Variants in STKLD1 observed in about 807,000 individuals in gnomAD.
STKLD1 encodes serine/threonine kinase like domain containing 1, also known as serine/threonine kinase-like domain-containing protein STKLD1.
In STKLD1, 79 loss-of-function variants were observed where a neutral mutation model predicts 80.4. The observed-to-expected ratio is 0.98, with a 90% CI of 0.82 to 1.19. STKLD1 has a LOEUF of 1.19. Among genes scored for constraint, STKLD1 ranks in the 50% most tolerant of loss-of-function variants. STKLD1 has a pLI of 0.00. For synonymous variants in STKLD1, 393 were observed against 357.6 expected (o/e 1.10, Z -1.12); for missense variants, 841 against 856.0 (o/e 0.98, Z 0.22).
chr9:133,385,741 A>C lies in STKLD1; in HGVS notation c.294+50A>C. 3.2e-6 allele frequency: 5 copies of C among 1,554,552 alleles called. No individual in the cohort carries two copies. The highest frequency in any genetic ancestry group is 4.4e-6 in the Non-Finnish European group (5 of 1,128,938). ...GCTCAGCCGCCACGCAGTGGGCTGCAGGACCAAGCAGACTGAGCCCAGAGC... is the reference window on the plus strand; with the variant it reads ...GCTCAGCCGCCACGCAGTGGGCTGCCGGACCAAGCAGACTGAGCCCAGAGC... On this transcript the variant is annotated intron_variant, in intron 4 of 17. Coordinates refer to ENST00000371957, the MANE Select transcript of STKLD1 (RefSeq NM_153710.5). This position sits in a 1 kb window ranked among gnomAD's most constrained non-coding sequence, Gnocchi z 4.9.
At position 133,404,863 on chromosome 9, in the gene STKLD1, C is replaced by T. The variant is rs1185875257; in HGVS notation, c.1807C>T (p.Leu603Phe). 2 of 1,613,232 alleles carry T rather than the reference C, an allele frequency of 1.2e-6. No individual in the cohort carries two copies. Among genetic ancestry groups the T allele is most frequent in the Non-Finnish European group, 1.7e-6 (2 of 1,179,736 alleles). The change falls in exon 17 of 18, where the codon CTC becomes TTC. Residue 603 changes from leucine to phenylalanine, a missense_variant. Coordinates refer to ENST00000371957, the MANE Select transcript of STKLD1 (RefSeq NM_153710.5). ...GLSLIKETYQ[L>F]HRDDPEVVEN... ...CAGCCTCATCAAGGAGACCTACCAG[C>T]TCCACAGGGACGACCCGGAGGTGGT...
At position 133,405,382 on chromosome 9, in the gene STKLD1, C is replaced by T; in HGVS notation, c.2004C>T (p.Ser668=). Residue 668 remains serine, a synonymous_variant, in exon 18 of 18, where the codon AGC becomes AGT. Coordinates refer to ENST00000371957, the MANE Select transcript of STKLD1 (RefSeq NM_153710.5). ...AACCAGGCCTCCCTCCAGGTGGAAG[C>T]CCCCAGCTGGGGTGCACCACGTCTG... ...FSKPGLPPGG[S]PQLGCTTSGG... 1 of 1,611,656 alleles carries T rather than the reference C, an allele frequency of 6.2e-7. No individual in the cohort carries two copies. Among genetic ancestry groups the T allele is most frequent in the Non-Finnish European group, 8.5e-7 (1 of 1,179,828 alleles).
rs2130287535 is a variant in STKLD1 at position 133,390,816 on chromosome 9, G to A, written c.583+20G>A. ...AGGAAGGTGGCAGGGGCTCCCCCAG[G>A]TTGTGGGAGAGGGGGTTGGCGCCTA... On this transcript the variant is annotated intron_variant, in intron 7 of 17. Coordinates refer to ENST00000371957, the MANE Select transcript of STKLD1 (RefSeq NM_153710.5). The surrounding 1 kb of genome is among the most constrained non-coding windows in gnomAD (Gnocchi z 5.1). The A allele has an allele frequency of 9.9e-5, 158 of 1,594,166 alleles. No individual in the cohort carries two copies. The highest frequency in any genetic ancestry group is 1.3e-4 in the Non-Finnish European group (148 of 1,164,344).
At position 133,403,584 on chromosome 9, in the gene STKLD1, C is replaced by T. The variant is rs190851880; in HGVS notation, c.1475-116C>T. ...GTCTCTGAGGACAGTTGACCTTTCCCACCCCATTTCTGCTGTTGTCGTTAG... is the reference window on the plus strand; with the variant it reads ...GTCTCTGAGGACAGTTGACCTTTCCTACCCCATTTCTGCTGTTGTCGTTAG... On this transcript the variant is annotated intron_variant, in intron 14 of 17. Transcript: ENST00000371957. 3 of 1,346,524 alleles carry T rather than the reference C, an allele frequency of 2.2e-6. No homozygotes were observed. The East Asian group carries it at 7.4e-5, about 33-fold the overall frequency. The allele number at this position is 1,346,524 out of a possible 1,614,324, so 83.4% of individuals were successfully genotyped here.
At chr9:133,379,274 A>G in intron 2 of STKLD1, 152 bp downstream of exon 2, 1 of 634,682 alleles carries the variant, frequency 1.6e-6, no homozygotes, top group African/African-American at 1.9e-5. Flanking sequence ...GTTGGGGTAG[A>G]TGTGGGGGTG....
chr9:133,384,046 G>C lies in STKLD1; in HGVS notation c.219+146G>C. The stretch of plus-strand genomic sequence containing the variant: ...GCACCAGTTTTGCCTCAGCTGTGAA[G>C]CCAGCAGCCCCAGGTCATGAAGGGA... On this transcript the variant is annotated intron_variant, in intron 3 of 17. Transcript: ENST00000371957. This position sits in a 1 kb window ranked among gnomAD's most constrained non-coding sequence, Gnocchi z 4.3. 1.4e-6 allele frequency: 1 copy of C among 733,896 alleles called. No homozygotes were observed. The highest frequency in any genetic ancestry group is 2.4e-6 in the Non-Finnish European group (1 of 425,038). 45.5% of individuals were successfully genotyped at this position (733,896 alleles called of 1,614,324 possible).
At chr9:133,383,825 T>G (rs2130271042) in intron 2 of STKLD1, 31 bp from the exon 3 acceptor site, 1 of 1,612,394 alleles carries the variant, frequency 6.2e-7, no homozygotes, top group Non-Finnish European at 8.5e-7. Flanking sequence ...TGCTACATGT[T>G]TATTAAGCTC....
At position 133,394,412 on chromosome 9, in the gene STKLD1, G is replaced by A; in HGVS notation, c.702+3G>A. 6.2e-7 allele frequency: 1 copy of A among 1,605,562 alleles called. No individual in the cohort carries two copies. Among genetic ancestry groups the A allele is most frequent in the Non-Finnish European group, 8.5e-7 (1 of 1,172,570 alleles). ...TGACCAGCTGCTCCTTCATGGATGT[G>A]AGCCGCCCTCCCTCCCCCACACCCC... On this transcript the variant is annotated splice_donor_region_variant and intron_variant, in intron 8 of 17. Coordinates refer to ENST00000371957, the MANE Select transcript of STKLD1 (RefSeq NM_153710.5). This position sits in a 1 kb window ranked among gnomAD's most constrained non-coding sequence, Gnocchi z 4.9.
intron 7 of STKLD1, among the ~76,000 whole-genome samples, chr9:133,393,210 G>T: frequency 6.8e-6 from 1 of 145,998 alleles, no homozygotes; most frequent in African/African-American, 2.6e-5. Flanking sequence ...ATGGATGGAT[G>T]GATGGATGGA....
Position 133,390,194 on chromosome 9 carries a change from A to AACACACACACAC in STKLD1, c.468-440_468-429dup, listed in dbSNP as rs71378573. Among the ~76,000 whole-genome samples the AACACACACACAC allele has an allele frequency of 8.1e-6, 1 of 123,410 alleles. No homozygotes were observed. Among genetic ancestry groups the AACACACACACAC allele is most frequent in the African/African-American group, 3.2e-5 (1 of 31,318 alleles). 81.0% of individuals were successfully genotyped at this position (123,410 alleles called of 152,430 possible). ...TTCAGCCTGGGCAACCCTGACTTAAAACACACACACACACACACACACACA... is the reference window on the plus strand; with the variant it reads ...TTCAGCCTGGGCAACCCTGACTTAAAACACACACACACACACACACACACACACACACACACA... On this transcript the variant is annotated intron_variant, in intron 6 of 17. Transcript: ENST00000371957. This position sits in a 1 kb window ranked among gnomAD's most constrained non-coding sequence, Gnocchi z 5.1.
At position 133,404,781 on chromosome 9, in the gene STKLD1, T is replaced by C. The variant is rs1838804092; in HGVS notation, c.1733-8T>C. 1 of 1,611,014 alleles carries C rather than the reference T, an allele frequency of 6.2e-7. No homozygotes were observed. Among genetic ancestry groups the C allele is most frequent in the Admixed American group, 1.7e-5 (1 of 59,792 alleles). On this transcript the variant is annotated splice_region_variant and splice_polypyrimidine_tract_variant and intron_variant, in intron 16 of 17. Transcript: ENST00000371957. ...CAGGGAATGAACCCACTCCCACCCA[T>C]CCCCCAGAGCTGGCGGCCTTCAAGG...
chr9:133,395,779 G>C lies in STKLD1; in HGVS notation c.866+16G>C. On this transcript the variant is annotated intron_variant, in intron 9 of 17. Transcript: ENST00000371957. ...TAACGATAAAGTGAGCTCAGGGTCGGGGTTTATTTTAACCTGTGGATTTAT... is the reference window on the plus strand; with the variant it reads ...TAACGATAAAGTGAGCTCAGGGTCGCGGTTTATTTTAACCTGTGGATTTAT... 1 of 1,611,854 alleles carries C rather than the reference G, an allele frequency of 6.2e-7. No individual in the cohort carries two copies. Among genetic ancestry groups the C allele is most frequent in the South Asian group, 1.1e-5 (1 of 91,034 alleles).
chr9:133,394,255 A>G lies in STKLD1; in HGVS notation c.584-36A>G, dbSNP rs1554776359. On this transcript the variant is annotated intron_variant, in intron 7 of 17. Transcript: ENST00000371957. This position sits in a 1 kb window ranked among gnomAD's most constrained non-coding sequence, Gnocchi z 4.9. ...GTCAAGCCCCTGCCCCCAGGGAGCA[A>G]AGGACTCAGGGATCCCACCTTGCTT... 10 of 1,456,420 alleles carry G rather than the reference A, an allele frequency of 6.9e-6. No homozygotes were observed. The highest frequency in any genetic ancestry group is 1.7e-4 in the Middle Eastern group (1 of 5,778). The allele number at this position is 1,456,420 out of a possible 1,614,324, so 90.2% of individuals were successfully genotyped here. A position where few individuals can be genotyped will look rare whatever the true frequency, so the allele number is the denominator to read the frequency against.
intron 2 of STKLD1, 74 bp downstream of exon 2, chr9:133,379,196 C>A: frequency 7.6e-7 from 1 of 1,308,894 alleles, no homozygotes; most frequent in Non-Finnish European, 1.1e-6. Context: ...AAGCTCTTCC[C>A]ATGTTGGAGA....
rs1554777942 is a variant in STKLD1 at position 133,402,897 on chromosome 9, G to A, written c.1359G>A (p.Glu453=). The A allele has an allele frequency of 6.3e-7, 1 of 1,594,844 alleles. No homozygotes were observed. Among genetic ancestry groups the A allele is most frequent in the Non-Finnish European group, 8.5e-7 (1 of 1,171,154 alleles). ...TTTQESESLS[E]ELQNAGLLEH... The stretch of plus-strand genomic sequence containing the variant: ...CCACAGAGTCAGAGTCACTGTCAGA[G>A]GAGCTGCAGAATGCTGGGCTGCTGG... The change falls in exon 14 of 18, where the codon GAG becomes GAA. Residue 453 remains glutamate, a synonymous_variant. Transcript: ENST00000371957.
Position 133,397,049 on chromosome 9 carries a change from A to T in STKLD1, c.867-115A>T, listed in dbSNP as rs75109722. On this transcript the variant is annotated intron_variant, in intron 9 of 17. Transcript: ENST00000371957. ...AAATGAATCCCAAAACAGGGAGTTC[A>T]GTGTCCAGTGTCCGCACCAATGGGC... 4.4e-3 allele frequency: 6,361 copies of T among 1,438,134 alleles called. 61 individuals carry two copies. Among genetic ancestry groups the T allele is most frequent in the African/African-American group, 0.035 (2,484 of 71,240 alleles). The allele number at this position is 1,438,134 out of a possible 1,614,324, so 89.1% of individuals were successfully genotyped here. A position where few individuals can be genotyped will look rare whatever the true frequency, so the allele number is the denominator to read the frequency against.
At chr9:133,376,992 A>G (rs2130252486) in intron 1 of STKLD1, among the ~76,000 whole-genome samples, 8 of 152,244 alleles carry the variant, frequency 5.3e-5, no homozygotes, top group African/African-American at 1.4e-4. Context: ...AAGCTGCAAA[A>G]TAAAAGTAAA....
intron 2 of STKLD1, among the ~76,000 whole-genome samples, chr9:133,381,577 A>G (rs898655512): frequency 2.0e-5 from 3 of 151,408 alleles, no homozygotes; most frequent in Non-Finnish European, 2.9e-5. Flanking sequence ...CAGCCTCCGA[A>G]GTAGCTGGGA....
chr9:133,397,144 C>T lies in STKLD1; in HGVS notation c.867-20C>T, dbSNP rs781835259. 1.9e-6 allele frequency: 3 copies of T among 1,613,424 alleles called. No homozygotes were observed. The African/African-American group carries it at 4.0e-5, about 22-fold the overall frequency. On this transcript the variant is annotated intron_variant, in intron 9 of 17. Coordinates refer to ENST00000371957, the MANE Select transcript of STKLD1 (RefSeq NM_153710.5). ...AGGGGGCGCTGCTGGGTTACTCAGC[C>T]CTCTCTGCTCCTCTGCTAGGGACGT... is the stretch of plus-strand genomic sequence containing the variant.
Sources: allele counts gnomAD v4.1 joint callset (sites outside exome capture counted in the v4.1 genomes callset), GRCh38; gene constraint gnomAD v4.1.1; non-coding constraint Gnocchi (gnomAD v3.1); transcripts MANE v1.5; gene names NCBI Gene and HGNC (gene_info 2026-07-23, HGNC 2026-07-21).